The following CNTN4 variants were observed in gnomAD, a reference collection of about 807,000 sequenced individuals.
The protein encoded by CNTN4 is contactin 4, also known as contactin-4.
CNTN4 carries 77 observed loss-of-function variants against 122.5 expected under a neutral mutation model. The observed-to-expected ratio is 0.63, with a 90% CI of 0.52 to 0.76. The LOEUF is 0.76. CNTN4 is among the 30% of genes least tolerant of loss of function. The probability of loss-of-function intolerance (pLI) is 0.00; values close to 1 mark genes in which losing one functional copy is unlikely to be tolerated. For missense variants in CNTN4, 1,256 were observed against 1,259.1 expected (o/e 1.00, Z 0.04); for synonymous variants, 512 against 447.0 (o/e 1.15, Z -1.83).
intron 4 of CNTN4, among the ~76,000 whole-genome samples, chr3:2,685,148 C>A (rs1048556245): frequency 6.6e-6 from 1 of 152,034 alleles, no homozygotes; most frequent in Non-Finnish European, 1.5e-5. Context: ...TGGTCTTTAA[C>A]CTAAAAATGT....
intron 23 of CNTN4, among the ~76,000 whole-genome samples, chr3:3,047,540 C>T (rs13062608): frequency 0.24 from 33,797 of 141,402 alleles, 4,072 homozygotes; most frequent in Middle Eastern, 0.33. Context: ...GGGTACATAA[C>T]GAAATGAAGG....
At chr3:2,793,814 T>A (rs1478470099) in intron 6 of CNTN4, among the ~76,000 whole-genome samples, 2 of 152,188 alleles carry the variant, frequency 1.3e-5, no homozygotes, top group Non-Finnish European at 2.9e-5. Context: ...AACAAAATCA[T>A]GTGGAACTTC....
chr3:2,147,942 C>T (rs1277706751), intron 2 of CNTN4, among the ~76,000 whole-genome samples: 1 of 152,164 alleles, frequency 6.6e-6, no homozygotes, highest in Non-Finnish European at 1.5e-5. Context: ...TTTTCAAATT[C>T]CTTGTCTGTT....
chr3:2,186,027 C>A (rs901212792), intron 2 of CNTN4, among the ~76,000 whole-genome samples: 1 of 152,008 alleles, frequency 6.6e-6, no homozygotes, highest in African/African-American at 2.4e-5. Flanking sequence ...CTGTGCTGCA[C>A]CCATTAACTC....
intron 13 of CNTN4, 61 bp downstream of exon 13, chr3:2,925,840 T>A: frequency 7.0e-7 from 1 of 1,438,766 alleles, no homozygotes; most frequent in Non-Finnish European, 9.7e-7. Flanking sequence ...GGTCTGTTAT[T>A]AATAATTCTA....
intron 4 of CNTN4, among the ~76,000 whole-genome samples, chr3:2,660,266 G>C (rs1479597774): frequency 2.0e-5 from 3 of 151,878 alleles, no homozygotes; most frequent in Non-Finnish European, 2.9e-5. Context: ...TTTAAAAAAA[G>C]AAATAGAGTT....
At chr3:2,325,322 G>A (rs2043416137) in intron 2 of CNTN4, among the ~76,000 whole-genome samples, 1 of 152,142 alleles carries the variant, frequency 6.6e-6, no homozygotes, top group South Asian at 2.1e-4. Flanking sequence ...CATTGAACAT[G>A]CTATTTATGT....
chr3:2,827,714 C>A (rs375076445), intron 7 of CNTN4, among the ~76,000 whole-genome samples: 44 of 152,254 alleles, frequency 2.9e-4, no homozygotes, highest in Admixed American at 9.2e-4. Flanking sequence ...TCTCATAAGC[C>A]AAACCCTGTG....
At chr3:2,987,806 C>T (rs747600171) in intron 13 of CNTN4, among the ~76,000 whole-genome samples, 5 of 152,052 alleles carry the variant, frequency 3.3e-5, no homozygotes, top group Admixed American at 6.6e-5. Flanking sequence ...CACGCTGAGT[C>T]GTGGAATATT....
chr3:3,045,751 C>G (rs1354980361), intron 23 of CNTN4, among the ~76,000 whole-genome samples: 1 of 152,236 alleles, frequency 6.6e-6, no homozygotes, highest in East Asian at 1.9e-4. Flanking sequence ...CGCACCTCCT[C>G]ACCAGCAATG....
chr3:2,420,773 C>T (rs2151104777), intron 3 of CNTN4, among the ~76,000 whole-genome samples: 1 of 152,190 alleles, frequency 6.6e-6, no homozygotes, highest in African/African-American at 2.4e-5. Context: ...TTGTCATTTC[C>T]TCATTTTCTT....
At chr3:2,183,941 A>G (rs1031842536) in intron 2 of CNTN4, among the ~76,000 whole-genome samples, 2 of 152,238 alleles carry the variant, frequency 1.3e-5, no homozygotes, top group Admixed American at 6.5e-5. Context: ...AGAACAGGGT[A>G]GTGAAATATA....
intron 6 of CNTN4, among the ~76,000 whole-genome samples, chr3:2,805,863 G>A (rs759378327): frequency 2.0e-5 from 3 of 152,112 alleles, no homozygotes; most frequent in Non-Finnish European, 2.9e-5. Context: ...AGTACAGACT[G>A]TTTTTTCTAC....
intron 4 of CNTN4, among the ~76,000 whole-genome samples, chr3:2,632,204 T>C (rs1198165849): frequency 6.6e-6 from 1 of 152,204 alleles, no homozygotes; most frequent in Non-Finnish European, 1.5e-5. Flanking sequence ...CTAGTGCTCA[T>C]CTGGTACATT....
Position 2,390,687 on chromosome 3 carries a change from C to G in CNTN4, c.-89+51454C>G, listed in dbSNP as rs941032235. ...TAATAACCTCAATAGGATTTTTTTC[C>G]CCACCTAACTTCCTTTGACGTAAAA... On this transcript the variant is annotated intron_variant, in intron 3 of 24. Coordinates refer to ENST00000418658, the MANE Select transcript of CNTN4 (RefSeq NM_175607.3). 2.6e-5 allele frequency among the ~76,000 whole-genome samples: 4 copies of G among 151,764 alleles called. No individual in the cohort carries two copies. The East Asian group carries it at 7.7e-4, about 29-fold the overall frequency.
chr3:2,555,064 C>A (rs907767659), intron 3 of CNTN4, among the ~76,000 whole-genome samples: 2 of 152,142 alleles, frequency 1.3e-5, no homozygotes, highest in African/African-American at 4.8e-5. Flanking sequence ...CCTTGAAATT[C>A]TTTTTGTCAT....
chr3:2,676,308 G>A (rs1411672304), intron 4 of CNTN4, among the ~76,000 whole-genome samples: 1 of 151,132 alleles, frequency 6.6e-6, no homozygotes, highest in Non-Finnish European at 1.5e-5. Flanking sequence ...TGCGACCTCC[G>A]CCTCCTGGGT....
chr3:2,186,156 C>T (rs1015759059), intron 2 of CNTN4, among the ~76,000 whole-genome samples: 1 of 151,640 alleles, frequency 6.6e-6, no homozygotes, highest in African/African-American at 2.4e-5. Context: ...GTTCAATTCC[C>T]ACCTATGAGT....
chr3:2,583,991 G>C (rs903604029), intron 4 of CNTN4, among the ~76,000 whole-genome samples: 11 of 152,082 alleles, frequency 7.2e-5, no homozygotes, highest in African/African-American at 2.4e-4. Flanking sequence ...CATGGTCCTG[G>C]GGCTGAGAAA....
Sources: gnomAD v4.1 joint callset for allele counts (sites outside exome capture counted in the v4.1 genomes callset) on GRCh38, gnomAD v4.1.1 for gene constraint, MANE v1.5 for transcripts, NCBI Gene and HGNC (gene_info 2026-07-23, HGNC 2026-07-21) for gene names.